Variants in EPSTI1 observed in about 807,000 individuals in gnomAD.
EPSTI1 encodes epithelial stromal interaction 1.
EPSTI1 carries 66 observed loss-of-function variants against 49.9 expected under a neutral mutation model. The observed-to-expected ratio is 1.32, with a 90% CI of 1.08 to 1.62. EPSTI1 has a LOEUF of 1.62. Ranked by LOEUF, EPSTI1 falls within the 40% of genes most tolerant of loss-of-function variation. The pLI is 0.00. For missense variants in EPSTI1, 394 were observed against 365.5 expected, an observed-to-expected ratio of 1.08 and a Z score of -0.64; for synonymous variants, 137 against 130.7, an observed-to-expected ratio of 1.05 and a Z score of -0.33.
intron 6 of EPSTI1, among the ~76,000 whole-genome samples, chr13:42,937,026 T>C (rs770503965): frequency 6.6e-6 from 1 of 151,552 alleles, no homozygotes; most frequent in Non-Finnish European, 1.5e-5. Flanking sequence ...TAGTCATACG[T>C]CAGAGATATT....
chr13:42,989,436 C>A (rs545539728), intron 1 of EPSTI1, among the ~76,000 whole-genome samples: 2 of 152,252 alleles, frequency 1.3e-5, no homozygotes, highest in African/African-American at 4.8e-5. Flanking sequence ...CTAATCCCCA[C>A]ACTGGGGCTG....
intron 6 of EPSTI1, among the ~76,000 whole-genome samples, chr13:42,948,651 A>G (rs1465890443): frequency 6.6e-6 from 1 of 151,336 alleles, no homozygotes; most frequent in African/African-American, 2.4e-5. Context: ...AAATTTTTGT[A>G]TTTTTTGTAG....
intron 5 of EPSTI1, among the ~76,000 whole-genome samples, chr13:42,959,872 G>C (rs1315712397): frequency 6.6e-6 from 1 of 152,196 alleles, no homozygotes; most frequent in Non-Finnish European, 1.5e-5. Context: ...AAAATATTCA[G>C]GGGATGAGGA....
chr13:42,930,925 G>A (rs973024312), intron 6 of EPSTI1, among the ~76,000 whole-genome samples: 6 of 152,178 alleles, frequency 3.9e-5, no homozygotes, highest in African/African-American at 1.2e-4. Flanking sequence ...AAGGCCAGCT[G>A]TTCTCTAAAA....
At chr13:42,894,234 G>T (rs1168018306) in intron 10 of EPSTI1, among the ~76,000 whole-genome samples, 1 of 152,152 alleles carries the variant, frequency 6.6e-6, no homozygotes, top group Non-Finnish European at 1.5e-5. Context: ...GATTTTCTAG[G>T]TCAGCAAGCA....
intron 8 of EPSTI1, among the ~76,000 whole-genome samples, chr13:42,911,274 C>T (rs375151592): frequency 3.4e-4 from 43 of 126,986 alleles, no homozygotes; most frequent in South Asian, 5.0e-4. Context: ...TGCGCGCGCA[C>T]GCGCGCACAC....
intron 1 of EPSTI1, 122 bp from the exon 2 acceptor site, chr13:42,970,792 G>A (rs1327051727): frequency 2.8e-6 from 2 of 723,716 alleles, no homozygotes; most frequent in African/African-American, 1.8e-5. Context: ...TAGGCACTAT[G>A]AAAGATAATC....
At chr13:42,928,332 T>C (rs1566126000) in intron 6 of EPSTI1, among the ~76,000 whole-genome samples, 1 of 152,202 alleles carries the variant, frequency 6.6e-6, no homozygotes, top group African/African-American at 2.4e-5. Context: ...TAGGTAACTC[T>C]GGTTATATTT....
chr13:42,937,285 G>A (rs1163692273), intron 6 of EPSTI1, among the ~76,000 whole-genome samples: 4 of 152,164 alleles, frequency 2.6e-5, no homozygotes, highest in Non-Finnish European at 5.9e-5. Context: ...GGAGGCTCTT[G>A]TTGATAACCT....
At chr13:42,977,334 A>G (rs1374018966) in intron 1 of EPSTI1, among the ~76,000 whole-genome samples, 1 of 152,238 alleles carries the variant, frequency 6.6e-6, no homozygotes, top group African/African-American at 2.4e-5. Flanking sequence ...TGCTAATAGC[A>G]CTTCTGTATT....
chr13:42,967,289 TA>T (rs747737457), intron 3 of EPSTI1, among the ~76,000 whole-genome samples: 1,929 of 28,528 alleles, frequency 0.068, 376 homozygotes, highest in African/African-American at 0.16. Context: ...AAAAATAAAT[TA>T]AAAAAAAAAA....
intron 6 of EPSTI1, among the ~76,000 whole-genome samples, chr13:42,949,444 A>G (rs986099635): frequency 5.3e-5 from 8 of 152,124 alleles, no homozygotes; most frequent in African/African-American, 1.9e-4. Context: ...ACAAAACATT[A>G]GCTGGGCATG....
chr13:42,906,262 G>C (rs1240350255), intron 8 of EPSTI1, among the ~76,000 whole-genome samples: 2 of 146,186 alleles, frequency 1.4e-5, no homozygotes, highest in Admixed American at 6.8e-5. Context: ...TCTACAGAAG[G>C]GTCAACTATA....
intron 8 of EPSTI1, among the ~76,000 whole-genome samples, chr13:42,909,017 C>G (rs1235900407): frequency 6.6e-6 from 1 of 151,726 alleles, no homozygotes; most frequent in African/African-American, 2.4e-5. Context: ...CTCTTGAAAA[C>G]AAGAGGCAGA....
In EPSTI1 at chr13:42,929,725, T is replaced by A. The variant is rs548111090; in HGVS notation, c.564-3296A>T. Among the ~76,000 whole-genome samples the A allele has an allele frequency of 4.6e-5, 7 of 152,370 alleles. No homozygotes were observed. In the South Asian group the frequency reaches 6.2e-4, roughly 14 times the overall value. ...CTGTCTCTGTAATATTTATCTTTTT[T>A]AATTAACCAAATATAAGTAATATCT... On this transcript the variant is annotated intron_variant, in intron 6 of 10. Coordinates refer to ENST00000313624, the MANE Select transcript of EPSTI1 (RefSeq NM_033255.5).
chr13:42,924,383 T>C (rs764413234), intron 7 of EPSTI1, among the ~76,000 whole-genome samples: 5 of 152,192 alleles, frequency 3.3e-5, no homozygotes, highest in African/African-American at 4.8e-5. Flanking sequence ...CTGGGAAACA[T>C]TGCTAATGCT....
intron 3 of EPSTI1, 130 bp downstream of exon 3, chr13:42,968,964 A>C (rs914926471): frequency 1.2e-6 from 1 of 826,740 alleles, no homozygotes; most frequent in Non-Finnish European, 2.0e-6. Context: ...AATTAAATGC[A>C]TTCCACCCAA....
At chr13:42,980,850 T>C (rs66523812) in intron 1 of EPSTI1, among the ~76,000 whole-genome samples, 23,017 of 152,138 alleles carry the variant, frequency 0.15, 2,121 homozygotes, top group African/African-American at 0.25. Context: ...AATGTTTGAG[T>C]TTTTATAACA....
intron 8 of EPSTI1, among the ~76,000 whole-genome samples, chr13:42,911,264 T>TGTGCGCGCGC (rs549150890): frequency 1.3e-5 from 2 of 148,448 alleles, no homozygotes; most frequent in African/African-American, 5.1e-5. Context: ...TGTGTGTGTG[T>TGTGCGCGCGC]GCGCGCGCAC....
Sources: allele counts gnomAD v4.1 joint callset (sites outside exome capture counted in the v4.1 genomes callset), GRCh38; gene constraint gnomAD v4.1.1; transcripts MANE v1.5; gene names NCBI Gene and HGNC (gene_info 2026-07-23, HGNC 2026-07-21).